The following SPHK2 variants were observed in gnomAD, a reference collection of about 807,000 sequenced individuals.
SPHK2 encodes the protein sphingosine kinase 2.
SPHK2 carries 18 observed loss-of-function variants against 32.3 expected under a neutral mutation model. The ratio of observed to expected loss-of-function variants is 0.56; its 90% CI spans 0.39 to 0.83. The LOEUF (loss-of-function observed/expected upper bound fraction) is 0.83. Ranked by LOEUF, SPHK2 falls within the 40% of genes least tolerant of loss-of-function variation. The probability of loss-of-function intolerance (pLI) is 0.00; values close to 1 mark genes in which losing one functional copy is unlikely to be tolerated. For missense variants in SPHK2, 850 were observed against 908.7 expected (o/e 0.94, Z 0.83); for synonymous variants, 462 against 417.6 (o/e 1.11, Z -1.30).
chr19:48,629,210 G>C lies in SPHK2; in HGVS notation c.1402G>C (p.Asp468His). The C allele has an allele frequency of 6.2e-7, 1 of 1,613,594 alleles. No homozygotes were observed. The highest frequency in any genetic ancestry group is 8.5e-7 in the Non-Finnish European group (1 of 1,179,974). The part of the protein sequence containing the change: ...GGAGDAPLSP[D>H]PLLSSPPGSP... ...GGCTGGGGATGCTCCGCTGTCCCCG[G>C]ACCCACTGCTGTCTTCACCTCCTGG... Residue 468 changes from aspartate to histidine, a missense_variant, in exon 7 of 7, where the codon GAC (aspartate) becomes CAC (histidine). This residue lies in a region of SPHK2 where 306 missense variants were observed against 268.6 expected (regional missense o/e 1.14). Transcript: ENST00000245222.
At position 48,626,335 on chromosome 19, in the gene SPHK2, C is replaced by T. The variant is rs764478078; in HGVS notation, c.484C>T (p.Arg162Ter). The change falls in exon 3 of 7, where the codon CGA (arginine) becomes TGA (stop). Residue 162 changes from arginine to a stop codon, truncating the protein, a stop_gained. Transcript: ENST00000245222. LOFTEE classifies it high-confidence loss of function. ...GGCCACTGCCCTCACCTGTCTGCTCCGAGGACTGCCACTGCCCGGGGATGG... is the reference window on the plus strand; with the variant it reads ...GGCCACTGCCCTCACCTGTCTGCTCTGAGGACTGCCACTGCCCGGGGATGG... ...RWATALTCLL[R>*]GLPLPGDGEI... 1.0e-5 allele frequency: 16 copies of T among 1,592,190 alleles called. No homozygotes were observed. The highest frequency in any genetic ancestry group is 3.3e-5 in the South Asian group (3 of 90,164).
chr19:48,627,933 G>A lies in SPHK2; in HGVS notation c.662-42G>A, dbSNP rs1258298386. 3.8e-6 allele frequency: 6 copies of A among 1,567,736 alleles called. No homozygotes were observed. The African/African-American group carries it at 5.4e-5, about 14-fold the overall frequency. On this transcript the variant is annotated intron_variant, in intron 4 of 6. Transcript: ENST00000245222. ...GTGGGACTCCTGGGTCTATGGGGCT[G>A]GGGTGGGACAGCCTGCCTAACAGCC...
Position 48,630,028 on chromosome 19 carries a change from C to T in SPHK2, c.*255C>T. On this transcript the variant is annotated 3_prime_UTR_variant, in exon 7 of 7. Coordinates refer to ENST00000245222, the MANE Select transcript of SPHK2 (RefSeq NM_020126.5). The surrounding 1 kb of genome is among the most constrained non-coding windows in gnomAD (Gnocchi z 4.9). ...GGCCTGGCGTCTGATCTGGGGCCGC[C>T]CTTACGGGGCAGGGCTCAGTCCTGA... The T allele has an allele frequency of 3.7e-6, 5 of 1,346,304 alleles. No homozygotes were observed. Among genetic ancestry groups the T allele is most frequent in the Non-Finnish European group, 4.8e-6 (5 of 1,051,552 alleles). The allele number at this position is 1,346,304 out of a possible 1,614,324, so 83.4% of individuals were successfully genotyped here.
Position 48,629,654 on chromosome 19 carries a change from C to T in SPHK2, c.1846C>T (p.Arg616Cys). The change falls in exon 7 of 7, where the codon CGC (arginine) becomes TGC (cysteine). Residue 616 changes from arginine (R) to cysteine (C), a missense_variant. Around this residue, in one of 2 missense-constraint regions of SPHK2, gnomAD observed 306 missense variants for 268.6 expected, o/e 1.14. Coordinates refer to ENST00000245222, the MANE Select transcript of SPHK2 (RefSeq NM_020126.5). ...CTTCCGCCTAGAGCCGCTCACACCA[C>T]GCGGCGTGCTCACAGTGGACGGGGA... is the stretch of plus-strand genomic sequence containing the variant. ...RAFRLEPLTPRGVLTVDGEQV... is the reference protein window; with the variant it reads ...RAFRLEPLTPCGVLTVDGEQV... 1 of 1,604,224 alleles carries T rather than the reference C, an allele frequency of 6.2e-7. No individual in the cohort carries two copies. The highest frequency in any genetic ancestry group is 8.5e-7 in the Non-Finnish European group (1 of 1,176,262).
At chr19:48,620,628 A>G (rs1041050121) in intron 2 of SPHK2, 75 bp downstream of exon 2, 18 of 1,396,796 alleles carry the variant, frequency 1.3e-5, no homozygotes, top group Middle Eastern at 1.8e-4. Flanking sequence ...TAAAAAAAAA[A>G]AAAAAAAATT....
intron 3 of SPHK2, among the ~76,000 whole-genome samples, 166 bp from the exon 4 acceptor site, chr19:48,627,526 A>G (rs535816567): frequency 1.3e-5 from 2 of 152,348 alleles, no homozygotes; most frequent in East Asian, 3.9e-4. Context: ...TTGTCTCAGC[A>G]GCTAGGAGTT....
rs769675804 is a variant in SPHK2, at chr19:48,628,164, G to A, written c.759G>A (p.Val253=). The A allele has an allele frequency of 1.9e-6, 3 of 1,612,954 alleles. No homozygotes were observed. The Admixed American group carries it at 5.0e-5, about 27-fold the overall frequency. Residue 253 remains valine (V), a splice_region_variant and synonymous_variant, in exon 6 of 7, where the codon GTG becomes GTA. Coordinates refer to ENST00000245222, the MANE Select transcript of SPHK2 (RefSeq NM_020126.5). This position sits in a 1 kb window ranked among gnomAD's most constrained non-coding sequence, Gnocchi z 5.2. ...GCTTCTGGTCTCCCACCCTCCAGGTGCTGAACGGGCTCCTAGATCGCCCTG... is the reference window on the plus strand; with the variant it reads ...GCTTCTGGTCTCCCACCCTCCAGGTACTGAACGGGCTCCTAGATCGCCCTG... ...TVSGDGLLHE[V]LNGLLDRPDW... is the part of the protein sequence containing the mutation.
Position 48,628,550 on chromosome 19 carries a change from G to A in SPHK2, c.873-131G>A. ...GCCCCGTAAGGAGTCGCCTGGAGGT[G>A]GCCCCACGGCTGTGGTGGGCCTGGG... On this transcript the variant is annotated intron_variant, in intron 6 of 6. Coordinates refer to ENST00000245222, the MANE Select transcript of SPHK2 (RefSeq NM_020126.5). This position sits in a 1 kb window ranked among gnomAD's most constrained non-coding sequence, Gnocchi z 5.2. 1 of 1,167,174 alleles carries A rather than the reference G, an allele frequency of 8.6e-7. No homozygotes were observed. Among genetic ancestry groups the A allele is most frequent in the South Asian group, 1.2e-5 (1 of 80,902 alleles). The allele number at this position is 1,167,174 out of a possible 1,614,324, so 72.3% of individuals were successfully genotyped here.
chr19:48,625,113 TTGCA>T, intron 2 of SPHK2: 1 of 997,876 alleles, frequency 1.0e-6, no homozygotes, highest in Admixed American at 5.5e-5. Flanking sequence ...CCCCTGCCCC[TTGCA>T]GGCGCTCGCA....
intron 3 of SPHK2, 104 bp from the exon 4 acceptor site, chr19:48,627,588 G>A (rs1568432677): frequency 7.2e-7 from 1 of 1,391,548 alleles, no homozygotes; most frequent in Non-Finnish European, 9.7e-7. Flanking sequence ...GCAGGTCCCA[G>A]GGGCCAGCCC....
Position 48,629,866 on chromosome 19 carries a change from TG to T in SPHK2, c.*95del. On this transcript the variant is annotated 3_prime_UTR_variant, in exon 7 of 7. Transcript: ENST00000245222. ...GGGTGTGGCCTGGCTGCTAGAGTTGTGGTGGCAGGGGCCCTGGCCCCGTCTC... is the reference window on the plus strand; with the variant it reads ...GGGTGTGGCCTGGCTGCTAGAGTTGTGTGGCAGGGGCCCTGGCCCCGTCTC... 1 of 1,470,616 alleles carries T rather than the reference TG, an allele frequency of 6.8e-7. No homozygotes were observed. The highest frequency in any genetic ancestry group is 2.2e-4 in the Middle Eastern group (1 of 4,626). The allele number at this position is 1,470,616 out of a possible 1,614,324, so 91.1% of individuals were successfully genotyped here. A position where few individuals can be genotyped will look rare whatever the true frequency, so the allele number is the denominator to read the frequency against.
intron 2 of SPHK2, 87 bp from the exon 3 acceptor site, chr19:48,625,804 T>TG: frequency 1.3e-6 from 2 of 1,544,414 alleles, no homozygotes; most frequent in Non-Finnish European, 1.7e-6. Flanking sequence ...TGCCCCTCAT[T>TG]GTCTCCTCCT....
intron 2 of SPHK2, among the ~76,000 whole-genome samples, chr19:48,622,911 C>T (rs1357968399): frequency 2.7e-5 from 4 of 150,710 alleles, no homozygotes; most frequent in East Asian, 2.0e-4. Context: ...ATTACAGGTG[C>T]GTGCTACCAC....
At chr19:48,620,644 C>A in intron 2 of SPHK2, 91 bp downstream of exon 2, 1 of 1,073,012 alleles carries the variant, frequency 9.3e-7, no homozygotes, top group Non-Finnish European at 1.3e-6. Flanking sequence ...AAATTGGAGG[C>A]CAGGCGTGGT....
At position 48,626,081 on chromosome 19, in the gene SPHK2, A is replaced by G. The variant is rs1309673158; in HGVS notation, c.230A>G (p.Gln77Arg). ...LTLTSQALHI[Q>R]RLRPKPEARP... Reference sequence around the variant, plus strand: ...CTTACATCGCAGGCCCTGCACATACAGCGGCTGCGCCCCAAACCTGAAGCC... The same window carrying G: ...CTTACATCGCAGGCCCTGCACATACGGCGGCTGCGCCCCAAACCTGAAGCC... The change falls in exon 3 of 7, where the codon CAG becomes CGG. Residue 77 changes from glutamine to arginine, a missense_variant. Around this residue, in one of 2 missense-constraint regions of SPHK2, gnomAD observed 544 missense variants for 640.0 expected, o/e 0.85. Transcript: ENST00000245222. 6.2e-7 allele frequency: 1 copy of G among 1,612,658 alleles called. No individual in the cohort carries two copies. Among genetic ancestry groups the G allele is most frequent in the Admixed American group, 1.7e-5 (1 of 59,960 alleles).
chr19:48,620,793 G>T (rs1349047167), intron 2 of SPHK2: 4 of 424,616 alleles, frequency 9.4e-6, no homozygotes, highest in African/African-American at 8.1e-5. Context: ...GCATGGTGAT[G>T]CGCACCTGTA....
chr19:48,620,596 G>C, intron 2 of SPHK2, 43 bp downstream of exon 2: 2 of 1,356,710 alleles, frequency 1.5e-6, no homozygotes, highest in Non-Finnish European at 2.0e-6. Flanking sequence ...ACTGTGGAAA[G>C]ACAAAATCTG....
At chr19:48,622,072 G>C (rs1361503785) in intron 2 of SPHK2, among the ~76,000 whole-genome samples, 2 of 151,930 alleles carry the variant, frequency 1.3e-5, no homozygotes, top group Admixed American at 1.3e-4. Context: ...TGGCTAACAC[G>C]GTGAAACCCC....
In SPHK2 at chr19:48,629,772, G is replaced by T. The variant is rs2030421205; in HGVS notation, c.1964G>T (p.Ter655LeuextTer2). ...CCTGGCTGCCCGGGGCGGGAGCCCT[G>T]AAACTAAACAAGCTTGGTACCCGCC... ...GPPGCPGREP[*>L] The change falls in exon 7 of 7, where the codon TGA becomes TTA. Residue 655 changes from the stop codon to leucine, a stop_lost. Transcript: ENST00000245222. 1.9e-6 allele frequency: 3 copies of T among 1,564,516 alleles called. No individual in the cohort carries two copies. The highest frequency in any genetic ancestry group is 2.6e-6 in the Non-Finnish European group (3 of 1,152,756).
Sources: gnomAD v4.1 joint callset for allele counts (sites outside exome capture counted in the v4.1 genomes callset) on GRCh38, gnomAD v4.1.1 for gene constraint, gnomAD v4.1.1 regional missense constraint, Gnocchi (gnomAD v3.1) non-coding constraint, MANE v1.5 for transcripts, NCBI Gene and HGNC (gene_info 2026-07-23, HGNC 2026-07-21) for gene names.